Variants in EP300 observed in about 807,000 individuals in gnomAD.
EP300 encodes histone acetyltransferase p300.
Under a neutral mutation model 264.0 loss-of-function variants are expected in EP300, and 31 were observed. The ratio of observed to expected loss-of-function variants is 0.12; its 90% CI spans 0.09 to 0.16. The LOEUF is 0.16. Among genes scored for constraint, EP300 ranks in the 10% least tolerant of loss-of-function variants. The pLI is 1.00. For missense variants in EP300, 2,766 were observed against 3,052.9 expected, an observed-to-expected ratio of 0.91 and a Z score of 2.21; for synonymous variants, 1,340 against 1,045.4, an observed-to-expected ratio of 1.28 and a Z score of -5.44.
intron 1 of EP300, among the ~76,000 whole-genome samples, chr22:41,112,619 G>A (rs1400611975): frequency 6.6e-6 from 1 of 151,944 alleles, no homozygotes; most frequent in African/African-American, 2.4e-5. Flanking sequence ...TGAGCCTTTG[G>A]TTTGCTCTTT....
chr22:41,101,625 A>T (rs374423172), intron 1 of EP300, among the ~76,000 whole-genome samples: 37 of 151,774 alleles, frequency 2.4e-4, no homozygotes, highest in East Asian at 1.8e-3. Context: ...GTTAGGCAGG[A>T]TGGTCTCGAT....
chr22:41,176,153 G>C, intron 29 of EP300, 94 bp from the exon 30 acceptor site: 1 of 1,440,852 alleles, frequency 6.9e-7, no homozygotes, highest in Non-Finnish European at 9.6e-7. Context: ...CCAGGAGGCA[G>C]AGGTTGTAGT....
intron 6 of EP300, among the ~76,000 whole-genome samples, chr22:41,133,050 T>C (rs1221102630): frequency 6.6e-6 from 1 of 152,158 alleles, no homozygotes; most frequent in Non-Finnish European, 1.5e-5. Flanking sequence ...CCAGGTCTTG[T>C]CCAGGTTGGT....
chr22:41,178,142 G>T lies in EP300; in HGVS notation c.6431G>T (p.Gly2144Val), dbSNP rs1455153764. Residue 2144 changes from glycine to valine, a missense_variant, in exon 31 of 31, where the codon GGC (glycine) becomes GTC (valine). Coordinates refer to ENST00000263253, the MANE Select transcript of EP300 (RefSeq NM_001429.4). ...NPMQAGVQRA[G>V]LPQQQPQQQL... is the part of the protein sequence containing the mutation. Reference sequence around the variant, plus strand: ...ATGCAGGCGGGCGTTCAGAGGGCTGGCCTGCCCCAGCAGCAACCACAGCAG... The same window carrying T: ...ATGCAGGCGGGCGTTCAGAGGGCTGTCCTGCCCCAGCAGCAACCACAGCAG... 4 of 1,613,980 alleles carry T rather than the reference G, an allele frequency of 2.5e-6. No homozygotes were observed. The highest frequency in any genetic ancestry group is 3.3e-5 in the Admixed American group (2 of 60,002).
At position 41,177,768 on chromosome 22, in the gene EP300, C is replaced by T. The variant is rs1282075754; in HGVS notation, c.6057C>T (p.Ala2019=). 6.2e-7 allele frequency: 1 copy of T among 1,613,940 alleles called. No homozygotes were observed. Among genetic ancestry groups the T allele is most frequent in the South Asian group, 1.1e-5 (1 of 91,082 alleles). The stretch of plus-strand genomic sequence containing the variant: ...CAAGGCCAGCCATGATGTCAGTGGC[C>T]CAGCATGGTCAACCTTTGAACATGG... The part of the protein sequence containing the change: ...GMPRPAMMSV[A]QHGQPLNMAP... The change falls in exon 31 of 31, where the codon GCC becomes GCT. Residue 2019 remains alanine (A), a synonymous_variant. Coordinates refer to ENST00000263253, the MANE Select transcript of EP300 (RefSeq NM_001429.4).
intron 6 of EP300, among the ~76,000 whole-genome samples, chr22:41,135,448 G>C (rs1004122244): frequency 1.3e-5 from 2 of 151,766 alleles, no homozygotes; most frequent in Non-Finnish European, 2.9e-5. Context: ...CCATTTCTTC[G>C]TGTCTTTTTA....
Position 41,149,808 on chromosome 22 carries a change from T to C in EP300, c.2427T>C (p.Pro809=), listed in dbSNP as rs764897403. ...GCCCGGTGAACTCTCCTATAATGCCTCCAGGGTCTCAGGGGAGCCACATTC... is the reference window on the plus strand; with the variant it reads ...GCCCGGTGAACTCTCCTATAATGCCCCCAGGGTCTCAGGGGAGCCACATTC... ...SSCPVNSPIM[P]PGSQGSHIHC... Residue 809 remains proline (P), a synonymous_variant, in exon 14 of 31, where the codon CCT becomes CCC. Transcript: ENST00000263253. The C allele has an allele frequency of 6.2e-7, 1 of 1,614,108 alleles. No homozygotes were observed. The highest frequency in any genetic ancestry group is 2.2e-5 in the East Asian group (1 of 44,890).
rs759870815 is a variant in EP300 at position 41,178,968 on chromosome 22, A to T, written c.*12A>T. ...TAGACATACACTAGAGACACCTTGT[A>T]GTATTTTGGGAGCAAAAAAATTATT... is the stretch of plus-strand genomic sequence containing the variant. On this transcript the variant is annotated 3_prime_UTR_variant, in exon 31 of 31. Transcript: ENST00000263253. 17 of 851,046 alleles carry T rather than the reference A, an allele frequency of 2.0e-5. No individual in the cohort carries two copies. Among genetic ancestry groups the T allele is most frequent in the African/African-American group, 1.9e-4 (11 of 58,466 alleles). 52.7% of individuals were successfully genotyped at this position (851,046 alleles called of 1,614,324 possible). A position where few individuals can be genotyped will look rare whatever the true frequency, so the allele number is the denominator to read the frequency against.
chr22:41,112,224 C>T (rs2058796178), intron 1 of EP300, among the ~76,000 whole-genome samples: 1 of 150,566 alleles, frequency 6.6e-6, no homozygotes, highest in Non-Finnish European at 1.5e-5. Flanking sequence ...CAGTCTCGCT[C>T]TGTCACCCAG....
intron 1 of EP300, among the ~76,000 whole-genome samples, chr22:41,116,196 C>G (rs1442793552): frequency 6.6e-6 from 1 of 151,786 alleles, no homozygotes; most frequent in African/African-American, 2.4e-5. Context: ...TATGCTAATT[C>G]TATAACATTA....
intron 1 of EP300, 59 bp from the exon 2 acceptor site, chr22:41,117,128 G>A (rs1569090189): frequency 1.0e-5 from 14 of 1,391,592 alleles, no homozygotes; most frequent in African/African-American, 1.4e-5. Context: ...ACAATATAGA[G>A]CAGTTTTTTA....
At chr22:41,154,637 G>A (rs1050963446) in intron 16 of EP300, among the ~76,000 whole-genome samples, 2 of 151,944 alleles carry the variant, frequency 1.3e-5, no homozygotes, top group South Asian at 2.1e-4. Flanking sequence ...AGCCTCCACC[G>A]TGCCTGGTCC....
intron 10 of EP300, among the ~76,000 whole-genome samples, chr22:41,142,742 C>T (rs529360236): frequency 2.0e-4 from 31 of 152,138 alleles, no homozygotes; most frequent in African/African-American, 5.8e-4. Context: ...AACAATTAGC[C>T]GGGCATGGTG....
intron 25 of EP300, chr22:41,169,123 C>T (rs750767993): frequency 9.0e-5 from 52 of 580,882 alleles, no homozygotes; most frequent in Non-Finnish European, 1.3e-4. Context: ...TGAAAACAAA[C>T]GTACTACTCT....
At chr22:41,106,674 G>C (rs1346067825) in intron 1 of EP300, among the ~76,000 whole-genome samples, 4 of 152,132 alleles carry the variant, frequency 2.6e-5, no homozygotes, top group Non-Finnish European at 5.9e-5. Context: ...GTAGTGCAGT[G>C]GCGCAATCTT....
chr22:41,137,951 C>T (rs1480347475), intron 8 of EP300, among the ~76,000 whole-genome samples, 161 bp downstream of exon 8: 2 of 152,168 alleles, frequency 1.3e-5, no homozygotes, highest in Non-Finnish European at 2.9e-5. Context: ...GCTGCTGCTG[C>T]TTTTTTCCTT....
intron 27 of EP300, among the ~76,000 whole-genome samples, chr22:41,171,905 A>C (rs1354597834): frequency 6.6e-6 from 1 of 152,082 alleles, no homozygotes; most frequent in Non-Finnish European, 1.5e-5. Flanking sequence ...GAGTCACTGC[A>C]CCTGGCCAAA....
chr22:41,178,040 AGCCAGGGCTACAGCCACCTACCAT>A lies in EP300; in HGVS notation c.6336_6359del (p.Leu2113_Gly2120del). ...GGGCAGCCTGGCATGCCCCAGGGGC[AGCCAGGGCTACAGCCACCTACCAT>A]GCCAGGTCAGCAGGGGGTCCACTCC... On this transcript the variant is annotated inframe_deletion, in exon 31 of 31. Coordinates refer to ENST00000263253, the MANE Select transcript of EP300 (RefSeq NM_001429.4). 6.2e-7 allele frequency: 1 copy of A among 1,614,180 alleles called. No individual in the cohort carries two copies. The highest frequency in any genetic ancestry group is 8.5e-7 in the Non-Finnish European group (1 of 1,180,034).
At chr22:41,163,801 G>GT (rs1264193016) in intron 21 of EP300, among the ~76,000 whole-genome samples, 3 of 151,960 alleles carry the variant, frequency 2.0e-5, no homozygotes, top group Non-Finnish European at 4.4e-5. Flanking sequence ...TCCTAGCCAG[G>GT]TAGCTGAGAG....
Sources: gnomAD v4.1 joint callset for allele counts (sites outside exome capture counted in the v4.1 genomes callset) on GRCh38, gnomAD v4.1.1 for gene constraint, MANE v1.5 for transcripts, NCBI Gene and HGNC (gene_info 2026-07-23, HGNC 2026-07-21) for gene names.